The following FGF19 variants were observed in gnomAD, a reference collection of about 807,000 sequenced individuals.
The protein encoded by FGF19 is FGF-19.
FGF19 carries 5 observed loss-of-function variants against 8.9 expected under a neutral mutation model. The observed-to-expected ratio is 0.56, with a 90% CI of 0.29 to 1.18. The LOEUF is 1.18. Among genes scored for constraint, FGF19 ranks in the 50% most tolerant of loss-of-function variants. The pLI is 0.08. For missense variants in FGF19, 237 were observed against 293.9 expected, an observed-to-expected ratio of 0.81 and a Z score of 1.42; for synonymous variants, 124 against 128.0, an observed-to-expected ratio of 0.97 and a Z score of 0.21.
chr11:69,702,619 C>G lies in FGF19; in HGVS notation c.336+642G>C, dbSNP rs1001040128. 2.0e-5 allele frequency among the ~76,000 whole-genome samples: 3 copies of G among 152,176 alleles called. No homozygotes were observed. The highest frequency in any genetic ancestry group is 2.0e-4 in the Admixed American group (3 of 15,284). ...TTCCCTGCCAGCCCCCACCCCCTGC[C>G]CCCACCAGAAAGCGTTTACAGGACA... On this transcript the variant is annotated intron_variant, in intron 2 of 2. Coordinates refer to ENST00000294312, the MANE Select transcript of FGF19 (RefSeq NM_005117.3). This position sits in a 1 kb window ranked among gnomAD's most constrained non-coding sequence, Gnocchi z 4.6.
rs1854795690 is a variant in FGF19 at position 69,703,197 on chromosome 11, G to T, written c.336+64C>A. 8.5e-7 allele frequency: 1 copy of T among 1,170,186 alleles called. No homozygotes were observed. The highest frequency in any genetic ancestry group is 1.4e-5 in the South Asian group (1 of 71,364). 72.5% of individuals were successfully genotyped at this position (1,170,186 alleles called of 1,614,324 possible). A position where few individuals can be genotyped will look rare whatever the true frequency, so the allele number is the denominator to read the frequency against. The stretch of plus-strand genomic sequence containing the variant: ...GAACCAGCGCCTTTCTCTCCTTCAG[G>T]CCTCCGCCCGGGGACAGGCGCCGGT... On this transcript the variant is annotated intron_variant, in intron 2 of 2. Transcript: ENST00000294312. This position sits in a 1 kb window ranked among gnomAD's most constrained non-coding sequence, Gnocchi z 6.8.
chr11:69,699,119 C>T lies in FGF19; in HGVS notation c.*143G>A. ...AGAAACTGGCACTGCCAATGGAAAA[C>T]TCTGAATATGTACAACTTCTAGATG... is the stretch of plus-strand genomic sequence containing the variant. On this transcript the variant is annotated 3_prime_UTR_variant, in exon 3 of 3. Coordinates refer to ENST00000294312, the MANE Select transcript of FGF19 (RefSeq NM_005117.3). 1 of 637,244 alleles carries T rather than the reference C, an allele frequency of 1.6e-6. No homozygotes were observed. Among genetic ancestry groups the T allele is most frequent in the Non-Finnish European group, 2.7e-6 (1 of 372,086 alleles). The allele number at this position is 637,244 out of a possible 1,614,324, so 39.5% of individuals were successfully genotyped here.
At position 69,703,967 on chromosome 11, in the gene FGF19, CGGGTT is replaced by C; in HGVS notation, c.-96_-92del. On this transcript the variant is annotated 5_prime_UTR_variant, in exon 1 of 3. Coordinates refer to ENST00000294312, the MANE Select transcript of FGF19 (RefSeq NM_005117.3). This position sits in a 1 kb window ranked among gnomAD's most constrained non-coding sequence, Gnocchi z 6.8. ...GGATGCGCTGCGGGGCTGTGAGTGC[CGGGTT>C]GGGATGGTCGTGGCCCTAGATCCTG... 1.3e-6 allele frequency: 1 copy of C among 776,578 alleles called. No homozygotes were observed. The highest frequency in any genetic ancestry group is 1.8e-6 in the Non-Finnish European group (1 of 569,174). 48.1% of individuals were successfully genotyped at this position (776,578 alleles called of 1,614,324 possible).
Position 69,699,405 on chromosome 11 carries a change from G to A in FGF19, c.508C>T (p.Pro170Ser), listed in dbSNP as rs370768233. 6.8e-6 allele frequency: 11 copies of A among 1,614,084 alleles called. No homozygotes were observed. Among genetic ancestry groups the A allele is most frequent in the South Asian group, 2.2e-5 (2 of 91,080 alleles). Reference sequence around the variant, plus strand: ...TCCTCAGGCTCCTCTGGGACCATGGGCAGCATGGGCAGGAAATGAGAGAGT... The same window carrying A: ...TCCTCAGGCTCCTCTGGGACCATGGACAGCATGGGCAGGAAATGAGAGAGT... ...LPLSHFLPML[P>S]MVPEEPEDLR... Residue 170 changes from proline to serine, a missense_variant, in exon 3 of 3, where the codon CCC becomes TCC. Physicochemically the swap from Pro to Ser is moderately conservative, Grantham distance 74. Coordinates refer to ENST00000294312, the MANE Select transcript of FGF19 (RefSeq NM_005117.3).
rs1854743307 is a variant in FGF19, at chr11:69,699,406, C to T, written c.507G>A (p.Leu169=). Residue 169 remains leucine (L), a synonymous_variant, in exon 3 of 3, where the codon CTG becomes CTA. Transcript: ENST00000294312. ...FLPLSHFLPM[L]PMVPEEPEDL... is the part of the protein sequence containing the mutation. The stretch of plus-strand genomic sequence containing the variant: ...CCTCAGGCTCCTCTGGGACCATGGG[C>T]AGCATGGGCAGGAAATGAGAGAGTG... 1.2e-6 allele frequency: 2 copies of T among 1,614,066 alleles called. No individual in the cohort carries two copies. The highest frequency in any genetic ancestry group is 1.7e-6 in the Non-Finnish European group (2 of 1,180,038).
In FGF19 at chr11:69,699,200, T is replaced by C; in HGVS notation, c.*62A>G. 8.2e-7 allele frequency: 1 copy of C among 1,215,478 alleles called. No homozygotes were observed. Among genetic ancestry groups the C allele is most frequent in the Non-Finnish European group, 1.2e-6 (1 of 860,440 alleles). The allele number at this position is 1,215,478 out of a possible 1,614,324, so 75.3% of individuals were successfully genotyped here. On this transcript the variant is annotated 3_prime_UTR_variant, in exon 3 of 3. Transcript: ENST00000294312. ...TCAGGACTGTTCTTGTAGAAGCACG[T>C]CCCCCACGCTGCAGGTACCACAGCC...
intron 2 of FGF19, 84 bp from the exon 3 acceptor site, chr11:69,699,660 C>T (rs1170407469): frequency 8.9e-7 from 1 of 1,120,870 alleles, no homozygotes; most frequent in African/African-American, 1.6e-5. Flanking sequence ...ACAGACTGTC[C>T]CTGGTGGCCA....
Position 69,700,025 on chromosome 11 carries a change from G to T in FGF19, c.337-449C>A, listed in dbSNP as rs547448286. 8.6e-5 allele frequency among the ~76,000 whole-genome samples: 13 copies of T among 151,802 alleles called. No individual in the cohort carries two copies. In the East Asian group the frequency reaches 2.3e-3, roughly 27 times the overall value. ...GATGGGTTGAGGCTGGGTAGTCAAGGCTGCACTGAGCAATGATCATGCCAC... is the reference window on the plus strand; with the variant it reads ...GATGGGTTGAGGCTGGGTAGTCAAGTCTGCACTGAGCAATGATCATGCCAC... On this transcript the variant is annotated intron_variant, in intron 2 of 2. Transcript: ENST00000294312.
At chr11:69,701,968 A>C (rs1345984635) in intron 2 of FGF19, among the ~76,000 whole-genome samples, 5 of 30,578 alleles carry the variant, frequency 1.6e-4, no homozygotes, top group Admixed American at 7.9e-4. Context: ...ACTCTGCCAA[A>C]AAAAAAAAAA....
rs1162880389 is a variant in FGF19, at chr11:69,702,497, G to A, written c.336+764C>T. Among the ~76,000 whole-genome samples the A allele has an allele frequency of 1.3e-5, 2 of 152,058 alleles. No homozygotes were observed. The highest frequency in any genetic ancestry group is 3.9e-4 in the East Asian group (2 of 5,144). On this transcript the variant is annotated intron_variant, in intron 2 of 2. Coordinates refer to ENST00000294312, the MANE Select transcript of FGF19 (RefSeq NM_005117.3). This position sits in a 1 kb window ranked among gnomAD's most constrained non-coding sequence, Gnocchi z 4.6. ...GCGCGCGGGGCCGCGGGAGGGGCGC[G>A]GGTTCGTTCCTTTGAACTCCCAGCC...
chr11:69,699,889 C>A (rs1192927), intron 2 of FGF19, among the ~76,000 whole-genome samples: 83,875 of 151,872 alleles, frequency 0.55, 24,026 homozygotes, highest in East Asian at 0.76. Context: ...GAGTTTGAGA[C>A]CAGCCTGGGC....
At position 69,699,187 on chromosome 11, in the gene FGF19, T is replaced by C. The variant is rs948787955; in HGVS notation, c.*75A>G. 4 of 1,076,642 alleles carry C rather than the reference T, an allele frequency of 3.7e-6. No individual in the cohort carries two copies. Among genetic ancestry groups the C allele is most frequent in the Non-Finnish European group, 5.4e-6 (4 of 744,712 alleles). The allele number at this position is 1,076,642 out of a possible 1,614,324, so 66.7% of individuals were successfully genotyped here. On this transcript the variant is annotated 3_prime_UTR_variant, in exon 3 of 3. Coordinates refer to ENST00000294312, the MANE Select transcript of FGF19 (RefSeq NM_005117.3). ...ACAGAACGTGGACTCAGGACTGTTCTTGTAGAAGCACGTCCCCCACGCTGC... is the reference window on the plus strand; with the variant it reads ...ACAGAACGTGGACTCAGGACTGTTCCTGTAGAAGCACGTCCCCCACGCTGC...
In FGF19 at chr11:69,703,342, G is replaced by T. The variant is rs1854798932; in HGVS notation, c.255C>A (p.Val85=). Residue 85 remains valine, a synonymous_variant, in exon 2 of 3, where the codon GTC becomes GTA. Transcript: ENST00000294312. The surrounding 1 kb of genome is among the most constrained non-coding windows in gnomAD (Gnocchi z 6.8). ...SAHSLLEIKA[V]ALRTVAIKGV... is the part of the protein sequence containing the mutation. ...CCTTGATGGCCACGGTCCGCAGAGC[G>T]ACTGCCTTGATCTCCAGCAAACCTA... The T allele has an allele frequency of 2.5e-6, 4 of 1,609,840 alleles. No individual in the cohort carries two copies. The East Asian group carries it at 8.9e-5, about 36-fold the overall frequency.
chr11:69,699,356 T>C lies in FGF19; in HGVS notation c.557A>G (p.Asp186Gly). Residue 186 changes from aspartate (D) to glycine (G), a missense_variant, in exon 3 of 3, where the codon GAC becomes GGC. Physicochemically the swap from Asp to Gly is moderately conservative, Grantham distance 94. Coordinates refer to ENST00000294312, the MANE Select transcript of FGF19 (RefSeq NM_005117.3). ...PEDLRGHLESDMFSSPLETDS... is the reference protein window; with the variant it reads ...PEDLRGHLESGMFSSPLETDS... ...GGTCTCCAGGGGCGAAGAGAACATG[T>C]CAGATTCCAAGTGGCCCCTGAGGTC... The C allele has an allele frequency of 1.9e-6, 3 of 1,614,082 alleles. No homozygotes were observed. Among genetic ancestry groups the C allele is most frequent in the Non-Finnish European group, 2.5e-6 (3 of 1,179,996 alleles).
At chr11:69,699,748 A>T (rs1452419515) in intron 2 of FGF19, among the ~76,000 whole-genome samples, 172 bp from the exon 3 acceptor site, 1 of 152,204 alleles carries the variant, frequency 6.6e-6, no homozygotes, top group Non-Finnish European at 1.5e-5. Flanking sequence ...ACGTGTAAGT[A>T]TATATAAAAT....
At position 69,701,965 on chromosome 11, in the gene FGF19, C is replaced by CAAAAAAAAAAAAAA. The variant is rs59026695; in HGVS notation, c.336+1282_336+1295dup. 5.2e-4 allele frequency among the ~76,000 whole-genome samples: 38 copies of CAAAAAAAAAAAAAA among 72,882 alleles called. 4 individuals are homozygous for CAAAAAAAAAAAAAA. Among genetic ancestry groups the CAAAAAAAAAAAAAA allele is most frequent in the African/African-American group, 1.5e-3 (23 of 14,946 alleles). The allele number at this position is 72,882 out of a possible 152,430, so 47.8% of individuals were successfully genotyped here. A position where few individuals can be genotyped will look rare whatever the true frequency, so the allele number is the denominator to read the frequency against. On this transcript the variant is annotated intron_variant, in intron 2 of 2. Transcript: ENST00000294312. ...CCTGGGCGACAGAGCAAGACTCTGC[C>CAAAAAAAAAAAAAA]AAAAAAAAAAAAAAAAAAAAAAAAA...
In FGF19 at chr11:69,703,468, G is replaced by A; in HGVS notation, c.233-104C>T. 1.0e-6 allele frequency: 1 copy of A among 967,262 alleles called. No homozygotes were observed. Among genetic ancestry groups the A allele is most frequent in the Non-Finnish European group, 1.5e-6 (1 of 658,000 alleles). 59.9% of individuals were successfully genotyped at this position (967,262 alleles called of 1,614,324 possible). On this transcript the variant is annotated intron_variant, in intron 1 of 2. Transcript: ENST00000294312. This position sits in a 1 kb window ranked among gnomAD's most constrained non-coding sequence, Gnocchi z 6.8. ...GTGCTTCTCCCTAGCGTCCCGCGCT[G>A]TTTGGGGACTAACGGAGGGATCCTA...
chr11:69,701,575 C>G (rs1197462121), intron 2 of FGF19, among the ~76,000 whole-genome samples: 1 of 146,286 alleles, frequency 6.8e-6, no homozygotes, highest in Non-Finnish European at 1.5e-5. Flanking sequence ...TGTACTCCAG[C>G]CTGGGCGACA....
chr11:69,702,272 G>A lies in FGF19; in HGVS notation c.336+989C>T, dbSNP rs1459366229. On this transcript the variant is annotated intron_variant, in intron 2 of 2. Transcript: ENST00000294312. This position sits in a 1 kb window ranked among gnomAD's most constrained non-coding sequence, Gnocchi z 4.6. ...ACACGGAGCACGGCAGAGGCACCGA[G>A]CAATTTTGAGACTCTAAAATGCTTT... Among the ~76,000 whole-genome samples the A allele has an allele frequency of 6.6e-6, 1 of 152,186 alleles. No individual in the cohort carries two copies. Among genetic ancestry groups the A allele is most frequent in the African/African-American group, 2.4e-5 (1 of 41,454 alleles).
Sources: allele counts gnomAD v4.1 joint callset (sites outside exome capture counted in the v4.1 genomes callset), GRCh38; gene constraint gnomAD v4.1.1; non-coding constraint Gnocchi (gnomAD v3.1); transcripts MANE v1.5; gene names NCBI Gene and HGNC (gene_info 2026-07-23, HGNC 2026-07-21).